The following SPON1 variants were observed in gnomAD, a reference collection of about 807,000 sequenced individuals.
The protein encoded by SPON1 is spondin 1, also known as spondin-1.
In SPON1, 52 loss-of-function variants were observed where a neutral mutation model predicts 111.7. The ratio of observed to expected loss-of-function variants is 0.47; its 90% CI spans 0.37 to 0.59. SPON1 has a LOEUF of 0.59. Among genes scored for constraint, SPON1 ranks in the 20% least tolerant of loss-of-function variants. The probability of loss-of-function intolerance (pLI) is 0.00; values close to 1 mark genes in which losing one functional copy is unlikely to be tolerated. For missense variants in SPON1, 957 were observed against 1,068.5 expected, an observed-to-expected ratio of 0.90 and a Z score of 1.46; for synonymous variants, 410 against 395.8, an observed-to-expected ratio of 1.04 and a Z score of -0.43.
At chr11:14,026,092 C>T (rs1848516003) in intron 2 of SPON1, among the ~76,000 whole-genome samples, 2 of 152,242 alleles carry the variant, frequency 1.3e-5, no homozygotes, top group Admixed American at 1.3e-4. Flanking sequence ...CGGCTCCCTT[C>T]CCACAGCTTC....
intron 6 of SPON1, among the ~76,000 whole-genome samples, chr11:14,136,966 C>G (rs190986865): frequency 3.0e-4 from 45 of 152,252 alleles, no homozygotes; most frequent in African/African-American, 1.0e-3. Flanking sequence ...ATTCCCAGTT[C>G]TCAAGTATGG....
At chr11:14,204,691 TTTTG>T (rs1554935992) in intron 6 of SPON1, among the ~76,000 whole-genome samples, 4 of 137,504 alleles carry the variant, frequency 2.9e-5, no homozygotes, top group Non-Finnish European at 6.3e-5. Flanking sequence ...CCCCATTCTT[TTTTG>T]TTTGTTTGTT....
chr11:13,991,653 G>A (rs1333192618), intron 2 of SPON1, among the ~76,000 whole-genome samples: 1 of 152,122 alleles, frequency 6.6e-6, no homozygotes, highest in South Asian at 2.1e-4. Flanking sequence ...TAGGATAAGC[G>A]GCATTCTGAT....
intron 6 of SPON1, among the ~76,000 whole-genome samples, chr11:14,194,836 T>C (rs1374163745): frequency 6.6e-6 from 1 of 152,202 alleles, no homozygotes; most frequent in Admixed American, 6.5e-5. Context: ...TTTATTAATA[T>C]GTTTATTGTA....
chr11:14,099,192 T>G (rs1349332417), intron 5 of SPON1, among the ~76,000 whole-genome samples: 1 of 152,222 alleles, frequency 6.6e-6, no homozygotes, highest in Non-Finnish European at 1.5e-5. Context: ...TTATTTAGAT[T>G]TTCATAGTTC....
rs1204076188 is a variant in SPON1 at position 14,160,716 on chromosome 11, TATTTATATATTTATATATATTTA to T, written c.825+25159_825+25181del. Among the ~76,000 whole-genome samples, 16 of 15,580 alleles carry T rather than the reference TATTTATATATTTATATATATTTA, an allele frequency of 1.0e-3. 2 individuals are homozygous for T. Among genetic ancestry groups the T allele is most frequent in the Admixed American group, 5.1e-3 (3 of 584 alleles). The allele number at this position is 15,580 out of a possible 152,430, so 10.2% of individuals were successfully genotyped here. A position where few individuals can be genotyped will look rare whatever the true frequency, so the allele number is the denominator to read the frequency against. ...TTATATATTTATATATATTTATATA[TATTTATATATTTATATATATTTA>T]ATTTATATATATTTATATATATTTA... On this transcript the variant is annotated intron_variant, in intron 6 of 15. Coordinates refer to ENST00000576479, the MANE Select transcript of SPON1 (RefSeq NM_006108.4).
intron 5 of SPON1, among the ~76,000 whole-genome samples, chr11:14,102,211 A>C (rs1849149068): frequency 6.6e-6 from 1 of 152,190 alleles, no homozygotes. Flanking sequence ...CATGTTCTCC[A>C]AAGCAATACT....
chr11:14,143,298 A>G (rs1029930074), intron 6 of SPON1, among the ~76,000 whole-genome samples: 4 of 152,312 alleles, frequency 2.6e-5, no homozygotes, highest in Non-Finnish European at 5.9e-5. Context: ...GTGGTGGCTC[A>G]TGCCTGTAAT....
chr11:14,010,249 G>A (rs1468641310), intron 2 of SPON1, among the ~76,000 whole-genome samples: 1 of 152,142 alleles, frequency 6.6e-6, no homozygotes, highest in African/African-American at 2.4e-5. Flanking sequence ...TAAGGACAGA[G>A]GGCAGGCTGG....
At chr11:14,049,903 A>G (rs1184119236) in intron 3 of SPON1, among the ~76,000 whole-genome samples, 1 of 152,172 alleles carries the variant, frequency 6.6e-6, no homozygotes, top group Admixed American at 6.5e-5. Context: ...AATGTGTACT[A>G]TATTATTCAA....
intron 1 of SPON1, among the ~76,000 whole-genome samples, chr11:13,969,540 T>C (rs1848046705): frequency 6.6e-6 from 1 of 151,014 alleles, no homozygotes; most frequent in African/African-American, 2.4e-5. Flanking sequence ...AACAAAGGGG[T>C]GGTGTGGGAA....
intron 6 of SPON1, among the ~76,000 whole-genome samples, chr11:14,205,608 A>C (rs1240179779): frequency 6.6e-6 from 1 of 152,208 alleles, no homozygotes; most frequent in East Asian, 1.9e-4. Flanking sequence ...TAAAAGAGAT[A>C]TTGTATAGAG....
At position 14,079,890 on chromosome 11, in the gene SPON1, C is replaced by G. The variant is rs1180447565; in HGVS notation, c.554-9C>G. The G allele has an allele frequency of 6.2e-7, 1 of 1,613,812 alleles. No homozygotes were observed. Among genetic ancestry groups the G allele is most frequent in the Non-Finnish European group, 8.5e-7 (1 of 1,179,866 alleles). On this transcript the variant is annotated splice_polypyrimidine_tract_variant and intron_variant, in intron 4 of 15. Transcript: ENST00000576479. ...CTTTCTAACTTGGTGACTTTTCTGA[C>G]TGTTTCAGATTCCACATTTGATGGG... is the stretch of plus-strand genomic sequence containing the variant.
At chr11:14,080,226 A>AT (rs1220366225) in intron 5 of SPON1, among the ~76,000 whole-genome samples, 31 of 142,608 alleles carry the variant, frequency 2.2e-4, no homozygotes, top group African/African-American at 7.2e-4. Context: ...GCATTGTGCT[A>AT]TTTTTTTTCT....
At chr11:14,014,096 C>T (rs1554914025) in intron 2 of SPON1, among the ~76,000 whole-genome samples, 1 of 152,168 alleles carries the variant, frequency 6.6e-6, no homozygotes, top group East Asian at 1.9e-4. Flanking sequence ...ATACTCCCGT[C>T]TCTGGCCCAG....
At chr11:13,978,599 A>T (rs1409781237) in intron 1 of SPON1, among the ~76,000 whole-genome samples, 4 of 152,236 alleles carry the variant, frequency 2.6e-5, no homozygotes, top group Non-Finnish European at 5.9e-5. Flanking sequence ...ACTTTGAGGT[A>T]AGTGCTGTTA....
chr11:14,003,391 T>C (rs1456691196), intron 2 of SPON1, among the ~76,000 whole-genome samples: 8 of 152,150 alleles, frequency 5.3e-5, no homozygotes, highest in Admixed American at 5.2e-4. Context: ...CAGGCACAAA[T>C]GCAGTGAGGG....
intron 5 of SPON1, among the ~76,000 whole-genome samples, chr11:14,090,414 A>G (rs932126504): frequency 6.6e-6 from 1 of 152,178 alleles, no homozygotes; most frequent in Admixed American, 6.5e-5. Flanking sequence ...ACTGACTTCA[A>G]GAATGAAGCC....
chr11:14,161,221 A>ATATATATATATATATTTATATATATC (rs1554931249), intron 6 of SPON1, among the ~76,000 whole-genome samples: 1 of 75,714 alleles, frequency 1.3e-5, no homozygotes, highest in Non-Finnish European at 2.6e-5. Context: ...ATATATATCT[A>ATATATATATATATATTTATATATATC]TATATATTTA....
Sources: gnomAD v4.1 joint callset for allele counts (sites outside exome capture counted in the v4.1 genomes callset) on GRCh38, gnomAD v4.1.1 for gene constraint, MANE v1.5 for transcripts, NCBI Gene and HGNC (gene_info 2026-07-23, HGNC 2026-07-21) for gene names.